The following CCSER1 variants were observed in gnomAD, a reference collection of about 807,000 sequenced individuals.
CCSER1 encodes serine-rich coiled-coil domain-containing protein 1.
CCSER1 carries 41 observed loss-of-function variants against 82.0 expected under a neutral mutation model. The ratio of observed to expected loss-of-function variants is 0.50; its 90% CI spans 0.39 to 0.65. The LOEUF is 0.65. CCSER1 is among the 30% of genes least tolerant of loss of function. The probability of loss-of-function intolerance (pLI) is 0.00; values close to 1 mark genes in which losing one functional copy is unlikely to be tolerated. For missense variants in CCSER1, 1,119 were observed against 1,064.2 expected (o/e 1.05, Z -0.72); for synonymous variants, 414 against 383.9 (o/e 1.08, Z -0.92).
chr4:90,567,033 AAAAC>A (rs56979858), intron 5 of CCSER1, among the ~76,000 whole-genome samples: 1 of 150,178 alleles, frequency 6.7e-6, no homozygotes, highest in Non-Finnish European at 1.5e-5. Flanking sequence ...AACAAAAACA[AAAAC>A]AAAAAAACCT....
Position 91,120,744 on chromosome 4 carries a change from C to A in CCSER1, c.2217+34750C>A. 2.6e-5 allele frequency among the ~76,000 whole-genome samples: 4 copies of A among 151,758 alleles called. No homozygotes were observed. The East Asian group carries it at 7.8e-4, about 29-fold the overall frequency. Reference sequence around the variant, plus strand: ...ATCTTCAAGGTGTAGAGAAAATGGGCCAGATTACTTTGGCTGGGGCCTGGG... The same window carrying A: ...ATCTTCAAGGTGTAGAGAAAATGGGACAGATTACTTTGGCTGGGGCCTGGG... On this transcript the variant is annotated intron_variant, in intron 10 of 10. Transcript: ENST00000509176.
chr4:90,764,393 T>C (rs1750887760), intron 7 of CCSER1, among the ~76,000 whole-genome samples: 1 of 152,168 alleles, frequency 6.6e-6, no homozygotes, highest in South Asian at 2.1e-4. Context: ...CAATGCTTGG[T>C]CTTTAAATAT....
chr4:90,203,530 C>T (rs559348398), intron 1 of CCSER1, among the ~76,000 whole-genome samples: 1 of 152,264 alleles, frequency 6.6e-6, no homozygotes, highest in African/African-American at 2.4e-5. Flanking sequence ...ATGACTTCAT[C>T]CTTTTTATGG....
At chr4:90,470,931 C>T (rs560428780) in intron 5 of CCSER1, among the ~76,000 whole-genome samples, 71 of 151,936 alleles carry the variant, frequency 4.7e-4, no homozygotes, top group African/African-American at 1.5e-3. Context: ...CCCTGGAACA[C>T]AGAATGAAAT....
chr4:90,506,776 A>T (rs115664917), intron 5 of CCSER1, among the ~76,000 whole-genome samples: 3,002 of 152,162 alleles, frequency 0.02, 37 homozygotes, highest in Non-Finnish European at 0.024. Flanking sequence ...AAAAAAAAAA[A>T]AAATAAATAA....
intron 10 of CCSER1, among the ~76,000 whole-genome samples, chr4:91,363,357 TTGTG>T (rs201687094): frequency 0.16 from 21,669 of 139,534 alleles, 2,167 homozygotes; most frequent in Admixed American, 0.24. Context: ...TGGAGATATT[TTGTG>T]TGTGTGTGTG....
chr4:90,627,054 T>G (rs556634690), intron 5 of CCSER1, among the ~76,000 whole-genome samples: 1 of 152,122 alleles, frequency 6.6e-6, no homozygotes, highest in East Asian at 1.9e-4. Flanking sequence ...ACTTGGCCAA[T>G]AGTCAACCCT....
intron 7 of CCSER1, among the ~76,000 whole-genome samples, chr4:90,738,788 C>T (rs1746069760): frequency 1.3e-5 from 2 of 152,116 alleles, no homozygotes; most frequent in African/African-American, 2.4e-5. Flanking sequence ...TGGCTGCTGT[C>T]GATGTTCACT....
chr4:90,270,163 A>G (rs1300766019), intron 1 of CCSER1, among the ~76,000 whole-genome samples: 1 of 152,120 alleles, frequency 6.6e-6, no homozygotes, highest in Non-Finnish European at 1.5e-5. Flanking sequence ...TTCCAAACTC[A>G]TTCTGTAAGG....
intron 10 of CCSER1, among the ~76,000 whole-genome samples, chr4:91,306,423 C>T (rs1420589963): frequency 6.6e-6 from 1 of 151,954 alleles, no homozygotes; most frequent in Non-Finnish European, 1.5e-5. Context: ...TGTTTTTAAG[C>T]ATTTGCTTTT....
chr4:91,132,402 G>C (rs1728074619), intron 10 of CCSER1, among the ~76,000 whole-genome samples: 1 of 152,166 alleles, frequency 6.6e-6, no homozygotes, highest in Non-Finnish European at 1.5e-5. Flanking sequence ...TCTAAATTAG[G>C]AAATCGACAC....
intron 5 of CCSER1, among the ~76,000 whole-genome samples, chr4:90,623,914 T>C (rs1722822289): frequency 6.6e-6 from 1 of 152,180 alleles, no homozygotes; most frequent in Non-Finnish European, 1.5e-5. Flanking sequence ...ATTGTGCTGG[T>C]CTTAGAATTA....
chr4:91,160,051 C>A lies in CCSER1; in HGVS notation c.2217+74057C>A, dbSNP rs185322536. 2.3e-3 allele frequency among the ~76,000 whole-genome samples: 339 copies of A among 149,054 alleles called. 1 individual carries two copies. The highest frequency in any genetic ancestry group is 7.8e-3 in the African/African-American group (320 of 41,278). On this transcript the variant is annotated intron_variant, in intron 10 of 10. Transcript: ENST00000509176. Reference sequence around the variant, plus strand: ...TCCTAATGCTATCCCTCCCCCTGCCCCCACCCCATGACAGGCCCCCATGTG... The same window carrying A: ...TCCTAATGCTATCCCTCCCCCTGCCACCACCCCATGACAGGCCCCCATGTG...
chr4:91,494,025 G>C (rs1484321977), intron 10 of CCSER1, among the ~76,000 whole-genome samples: 1 of 151,828 alleles, frequency 6.6e-6, no homozygotes, highest in Non-Finnish European at 1.5e-5. Context: ...TAGTATTGAG[G>C]TGGGGACTTT....
At chr4:91,059,929 A>G (rs1358463643) in intron 9 of CCSER1, among the ~76,000 whole-genome samples, 2 of 152,054 alleles carry the variant, frequency 1.3e-5, no homozygotes, top group African/African-American at 4.8e-5. Context: ...AAACCTCTCT[A>G]TCACTGCTGA....
chr4:91,245,526 C>T (rs961501717), intron 10 of CCSER1, among the ~76,000 whole-genome samples: 7 of 152,000 alleles, frequency 4.6e-5, no homozygotes, highest in Non-Finnish European at 8.8e-5. Flanking sequence ...AACTGTTACC[C>T]TAGAATGATA....
chr4:91,360,302 A>G (rs1749163976), intron 10 of CCSER1, among the ~76,000 whole-genome samples: 1 of 151,840 alleles, frequency 6.6e-6, no homozygotes, highest in Admixed American at 6.6e-5. Context: ...ATAATATGAA[A>G]AAAAGATCTA....
chr4:91,235,081 G>T (rs1353449426), intron 10 of CCSER1, among the ~76,000 whole-genome samples: 1 of 151,986 alleles, frequency 6.6e-6, no homozygotes, highest in African/African-American at 2.4e-5. Flanking sequence ...ACACCCTTGT[G>T]ATTCAACATA....
intron 7 of CCSER1, among the ~76,000 whole-genome samples, chr4:90,728,523 A>AAATAAATT (rs1656785744): frequency 6.6e-6 from 1 of 152,190 alleles, no homozygotes; most frequent in South Asian, 2.1e-4. Context: ...GGAAGTAGAT[A>AAATAAATT]AATAAATTGT....
Sources: gnomAD v4.1 joint callset for allele counts (sites outside exome capture counted in the v4.1 genomes callset) on GRCh38, gnomAD v4.1.1 for gene constraint, MANE v1.5 for transcripts, NCBI Gene and HGNC (gene_info 2026-07-23, HGNC 2026-07-21) for gene names.